Variants in STAC2 observed in about 807,000 individuals in gnomAD.
STAC2 encodes SH3 and cysteine-rich domain-containing protein 2.
A neutral mutation model predicts 49.0 loss-of-function variants in STAC2; 36 were observed. That is an observed-to-expected ratio of 0.74 (90% CI 0.56 to 0.97). The LOEUF is 0.97. Ranked by LOEUF, STAC2 falls within the 50% of genes least tolerant of loss-of-function variation. The pLI, the probability that STAC2 is intolerant of heterozygous loss-of-function variation, is 0.00. For missense variants in STAC2, 527 were observed against 543.8 expected (o/e 0.97, Z 0.31); for synonymous variants, 239 against 214.7 (o/e 1.11, Z -0.99).
chr17:39,215,095 C>A (rs771067558), intron 5 of STAC2, 23 bp downstream of exon 5: 2 of 1,613,740 alleles, frequency 1.2e-6, no homozygotes, highest in South Asian at 1.1e-5. Context: ...CCCCAAAAGA[C>A]CCCCCCTTTT....
In STAC2 at chr17:39,212,116, C is replaced by T; in HGVS notation, c.*176G>A. The T allele has an allele frequency of 2.2e-6, 1 of 451,172 alleles. No individual in the cohort carries two copies. Among genetic ancestry groups the T allele is most frequent in the Non-Finnish European group, 4.1e-6 (1 of 246,046 alleles). The allele number at this position is 451,172 out of a possible 1,614,324, so 27.9% of individuals were successfully genotyped here. On this transcript the variant is annotated 3_prime_UTR_variant, in exon 11 of 11. Transcript: ENST00000333461. ...GGATCAACCCACTCAGGGCACCCCA[C>T]CCAAGAAATAAAATCTTCCCCAGTA...
At chr17:39,215,044 G>A (rs2046389724) in intron 5 of STAC2, 21 bp from the exon 6 acceptor site, 2 of 1,613,940 alleles carry the variant, frequency 1.2e-6, no homozygotes, top group Non-Finnish European at 1.7e-6. Flanking sequence ...AGAGAGGAGA[G>A]GGCTCAGCCC....
intron 1 of STAC2, among the ~76,000 whole-genome samples, chr17:39,221,520 C>T (rs1051115323): frequency 7.9e-5 from 12 of 152,210 alleles, no homozygotes; most frequent in African/African-American, 2.9e-4. Flanking sequence ...TATGCAGCAT[C>T]TCATTAATCC....
chr17:39,212,599 A>G (rs2144227102), intron 10 of STAC2, among the ~76,000 whole-genome samples: 1 of 152,298 alleles, frequency 6.6e-6, no homozygotes, highest in Admixed American at 6.5e-5. Flanking sequence ...GCAGACACCC[A>G]GCAGCACTTC....
chr17:39,225,366 G>A lies in STAC2; in HGVS notation c.90+47C>T. ...CACAGGAGGACCCCGCCGGGAAGAG[G>A]GCGCCCGGGCCCGGGGCGCGGACAG... On this transcript the variant is annotated intron_variant, in intron 1 of 10. Transcript: ENST00000333461. The surrounding 1 kb of genome is among the most constrained non-coding windows in gnomAD (Gnocchi z 8.2). 6.6e-7 allele frequency: 1 copy of A among 1,524,864 alleles called. No individual in the cohort carries two copies. Among genetic ancestry groups the A allele is most frequent in the East Asian group, 2.5e-5 (1 of 40,394 alleles). 94.5% of individuals were successfully genotyped at this position (1,524,864 alleles called of 1,614,324 possible).
intron 7 of STAC2, 21 bp from the exon 8 acceptor site, chr17:39,214,351 C>T (rs765637126): frequency 6.2e-6 from 10 of 1,613,338 alleles, no homozygotes; most frequent in East Asian, 4.5e-5. Context: ...ATCTCTGGGT[C>T]GGTGACCGGA....
chr17:39,215,364 A>T (rs1227402012), intron 4 of STAC2, 134 bp from the exon 5 acceptor site: 3 of 874,150 alleles, frequency 3.4e-6, no homozygotes, highest in Non-Finnish European at 5.4e-6. Context: ...CATCCCAGAG[A>T]TGGCTCTGGG....
chr17:39,220,776 A>G (rs943868513), intron 1 of STAC2, among the ~76,000 whole-genome samples: 1 of 142,312 alleles, frequency 7.0e-6, no homozygotes, highest in African/African-American at 2.6e-5. Context: ...CCGGCCTATC[A>G]TTTTTATTTT....
At chr17:39,214,118 TG>T in intron 8 of STAC2, 114 bp downstream of exon 8, 1 of 1,198,300 alleles carries the variant, frequency 8.3e-7, no homozygotes, top group Non-Finnish European at 1.2e-6. Flanking sequence ...AGCTCCTGTC[TG>T]GGCTCAGCAG....
Position 39,217,855 on chromosome 17 carries a change from C to T in STAC2, c.397+12G>A. On this transcript the variant is annotated intron_variant, in intron 2 of 10. Transcript: ENST00000333461. ...CCCCTCCCCGTGGCCGCCTCAGTGC[C>T]CAGGCACCTACCTACGATGAGCTGG... 1.3e-6 allele frequency: 2 copies of T among 1,594,968 alleles called. No individual in the cohort carries two copies. The highest frequency in any genetic ancestry group is 8.5e-7 in the Non-Finnish European group (1 of 1,171,760).
chr17:39,214,436 G>A, intron 7 of STAC2, 106 bp from the exon 8 acceptor site: 1 of 1,560,000 alleles, frequency 6.4e-7, no homozygotes. Flanking sequence ...GGGACACAGT[G>A]AGTCCTAGGT....
At chr17:39,213,412 G>T in intron 9 of STAC2, 95 bp downstream of exon 9, 1 of 1,471,822 alleles carries the variant, frequency 6.8e-7, no homozygotes, top group Non-Finnish European at 9.3e-7. Flanking sequence ...GGTTGTCTTT[G>T]GGGCCTGGAG....
chr17:39,224,415 G>A (rs2046491208), intron 1 of STAC2, among the ~76,000 whole-genome samples: 1 of 152,192 alleles, frequency 6.6e-6, no homozygotes, highest in Non-Finnish European at 1.5e-5. Context: ...GGCCCGCTCA[G>A]GTTGATCCCG....
intron 1 of STAC2, among the ~76,000 whole-genome samples, chr17:39,221,929 C>T (rs1483947634): frequency 6.6e-6 from 1 of 152,186 alleles, no homozygotes; most frequent in Non-Finnish European, 1.5e-5. Context: ...GGCCACATCC[C>T]GTCTCAAGAG....
At chr17:39,218,926 C>T (rs1056396572) in intron 1 of STAC2, among the ~76,000 whole-genome samples, 21 of 151,974 alleles carry the variant, frequency 1.4e-4, no homozygotes, top group Admixed American at 9.2e-4. Context: ...CGTCCTGGAC[C>T]CTCATCCTTG....
Position 39,214,327 on chromosome 17 carries a change from G to A in STAC2, c.847C>T (p.Pro283Ser). The change falls in exon 8 of 11, where the codon CCC (proline) becomes TCC (serine). Residue 283 changes from proline to serine, a missense_variant. Transcript: ENST00000333461. ...ACATCCTTCCGCAGGGTGGCTTTGG[G>A]GAGCTGCGGGAGAATCTCTGGGTCG... ...PEEKSPGQQL[P>S]KATLRKDVGP... The A allele has an allele frequency of 6.2e-7, 1 of 1,613,924 alleles. No individual in the cohort carries two copies. Among genetic ancestry groups the A allele is most frequent in the Non-Finnish European group, 8.5e-7 (1 of 1,179,880 alleles).
chr17:39,223,261 C>T (rs2046479196), intron 1 of STAC2, among the ~76,000 whole-genome samples: 1 of 152,210 alleles, frequency 6.6e-6, no homozygotes, highest in Non-Finnish European at 1.5e-5. Flanking sequence ...GAGACAGGAG[C>T]TTCTTTGGGC....
In STAC2 at chr17:39,216,663, C is replaced by T. The variant is rs575614600; in HGVS notation, c.586+147G>A. ...TGTAGCCCAGGCTGGAGTGCAGTGG[C>T]GTGATCTTGGCTCACTGCAACCTCC... On this transcript the variant is annotated intron_variant, in intron 4 of 10. Transcript: ENST00000333461. 2.3e-4 allele frequency: 150 copies of T among 665,386 alleles called. No individual in the cohort carries two copies. The East Asian group carries it at 3.7e-3, about 16-fold the overall frequency. The allele number at this position is 665,386 out of a possible 1,614,324, so 41.2% of individuals were successfully genotyped here.
intron 2 of STAC2, 65 bp downstream of exon 2, chr17:39,217,802 T>G: frequency 2.1e-5 from 31 of 1,494,650 alleles, no homozygotes; most frequent in Non-Finnish European, 2.7e-5. Flanking sequence ...GGGCGCAACA[T>G]GAGCCCACTC....
Sources: allele counts gnomAD v4.1 joint callset (sites outside exome capture counted in the v4.1 genomes callset), GRCh38; gene constraint gnomAD v4.1.1; non-coding constraint Gnocchi (gnomAD v3.1); transcripts MANE v1.5; gene names NCBI Gene and HGNC (gene_info 2026-07-23, HGNC 2026-07-21).